Variants in TMEM178B observed in about 807,000 individuals in gnomAD.
TMEM178B encodes transmembrane protein 178B.
Under a neutral mutation model 31.0 loss-of-function variants are expected in TMEM178B, and 5 were observed. That is an observed-to-expected ratio of 0.16 (90% CI 0.08 to 0.34). The LOEUF (loss-of-function observed/expected upper bound fraction) is 0.34, where lower values mean the gene tolerates loss of function less well. Ranked by LOEUF, TMEM178B falls within the 10% of genes least tolerant of loss-of-function variation. The pLI is 1.00. For synonymous variants in TMEM178B, 164 were observed against 164.0 expected, an observed-to-expected ratio of 1.00 and a Z score of 0.00; for missense variants, 275 against 400.3, an observed-to-expected ratio of 0.69 and a Z score of 2.67.
chr7:141,500,471 G>T, the TMEM178B span, among the ~76,000 whole-genome samples: 7 of 152,076 alleles, frequency 4.6e-5, no homozygotes, highest in African/African-American at 1.7e-4. Flanking sequence ...AGGAGGGGGT[G>T]GATAATGGCT....
In TMEM178B at chr7:141,442,113, A is replaced by G. The variant is rs573894403; in HGVS notation, c.634+4368A>G. Among the ~76,000 whole-genome samples, 126 of 152,302 alleles carry G rather than the reference A, an allele frequency of 8.3e-4. 1 individual carries two copies. The highest frequency in any genetic ancestry group is 2.7e-3 in the African/African-American group (114 of 41,574). On this transcript the variant is annotated intron_variant, in intron 3 of 3. Transcript: ENST00000565468. The stretch of plus-strand genomic sequence containing the variant: ...GCAGGCAAGGGAGCACGTGACTGCT[A>G]TGAGTTCCTGTGATTCCCTTGCTGG...
intron 2 of TMEM178B, chr7:141,352,786 C>T (rs1799756380): frequency 6.5e-6 from 1 of 152,860 alleles, no homozygotes; most frequent in Non-Finnish European, 1.5e-5. Context: ...GTGTGGGTTC[C>T]CCCTGCGCTA....
At chr7:141,413,848 G>A (rs893598189) in intron 2 of TMEM178B, among the ~76,000 whole-genome samples, 4 of 152,024 alleles carry the variant, frequency 2.6e-5, no homozygotes, top group Admixed American at 2.6e-4. Context: ...ACTTATTATT[G>A]TGGGGAATTT....
At chr7:141,125,644 C>T (rs1031677480) in intron 1 of TMEM178B, among the ~76,000 whole-genome samples, 7 of 145,852 alleles carry the variant, frequency 4.8e-5, no homozygotes, top group African/African-American at 1.5e-4. Context: ...CATGCCACTG[C>T]ACTCCAGCCT....
At chr7:141,091,261 A>T (rs144553639) in intron 1 of TMEM178B, among the ~76,000 whole-genome samples, 111 of 152,076 alleles carry the variant, frequency 7.3e-4, no homozygotes, top group African/African-American at 2.3e-3. Context: ...GCTTTAATTT[A>T]AAAAAAATTG....
chr7:141,432,857 G>T (rs904543164), intron 2 of TMEM178B, among the ~76,000 whole-genome samples: 1 of 152,120 alleles, frequency 6.6e-6, no homozygotes, highest in East Asian at 1.9e-4. Context: ...GTTCAACTGG[G>T]GCTTCATTGT....
intron 1 of TMEM178B, among the ~76,000 whole-genome samples, chr7:141,134,973 T>C (rs1054841753): frequency 6.6e-6 from 1 of 152,184 alleles, no homozygotes; most frequent in Non-Finnish European, 1.5e-5. Context: ...GTTCTTGTGA[T>C]AGTGAATGAG....
chr7:141,214,020 A>C (rs1343835223), intron 2 of TMEM178B, among the ~76,000 whole-genome samples: 4 of 152,250 alleles, frequency 2.6e-5, no homozygotes, highest in African/African-American at 9.6e-5. Context: ...TGAGCTAAGC[A>C]TACCACATAT....
chr7:141,464,808 A>G (rs1049629878), intron 3 of TMEM178B, among the ~76,000 whole-genome samples: 3 of 152,010 alleles, frequency 2.0e-5, no homozygotes, highest in African/African-American at 7.2e-5. Flanking sequence ...ATTGCTTACC[A>G]CCAGCCACCA....
intron 2 of TMEM178B, among the ~76,000 whole-genome samples, chr7:141,322,012 A>G (rs760650861): frequency 6.6e-6 from 1 of 152,056 alleles, no homozygotes; most frequent in Non-Finnish European, 1.5e-5. Flanking sequence ...TGTGCTGGGA[A>G]ATGAGAAGGT....
At chr7:141,213,728 C>A (rs1563119506) in intron 2 of TMEM178B, among the ~76,000 whole-genome samples, 2 of 152,170 alleles carry the variant, frequency 1.3e-5, no homozygotes, top group Admixed American at 1.3e-4. Context: ...TTGGGATTGG[C>A]TTTAATTAAA....
chr7:141,336,154 C>G (rs965602075), intron 2 of TMEM178B, among the ~76,000 whole-genome samples: 3 of 152,036 alleles, frequency 2.0e-5, no homozygotes, highest in Admixed American at 1.3e-4. Flanking sequence ...CCTGGTCATC[C>G]TGGGCTACAC....
At chr7:141,166,929 G>A (rs764530253) in intron 1 of TMEM178B, among the ~76,000 whole-genome samples, 17 of 152,116 alleles carry the variant, frequency 1.1e-4, no homozygotes, top group Non-Finnish European at 2.1e-4. Context: ...TCTTGTCCTT[G>A]TATGGGTGAC....
intron 2 of TMEM178B, among the ~76,000 whole-genome samples, chr7:141,420,441 G>A (rs1011095558): frequency 2.6e-5 from 4 of 152,174 alleles, no homozygotes; most frequent in South Asian, 2.1e-4. Flanking sequence ...TTCCTTCTAC[G>A]GAGTTTCTTT....
rs562698380 is a variant in TMEM178B, at chr7:141,435,612, TAAG to T, written c.497-1992_497-1990del. On this transcript the variant is annotated intron_variant, in intron 2 of 3. Transcript: ENST00000565468. ...GGAGAGGACGGCACAGATGATTCAATAAGAAGGGGCAGGAGTGCACCTTCCCTT... is the reference window on the plus strand; with the variant it reads ...GGAGAGGACGGCACAGATGATTCAATAAGGGGCAGGAGTGCACCTTCCCTT... 2.3e-3 allele frequency among the ~76,000 whole-genome samples: 352 copies of T among 152,282 alleles called. 5 individuals are homozygous for T. Among genetic ancestry groups the T allele is most frequent in the Non-Finnish European group, 2.6e-3 (176 of 68,018 alleles).
In TMEM178B at chr7:141,318,046, A is replaced by ATT; in HGVS notation, c.496+105345_496+105346dup. ...TGTTTGGGGAGGGAATTATAGATTT[A>ATT]TTTTAAATGAAAACAATTATTGAAT... On this transcript the variant is annotated intron_variant, in intron 2 of 3. Transcript: ENST00000565468. This position sits in a 1 kb window ranked among gnomAD's most constrained non-coding sequence, Gnocchi z 4.1. 6.6e-6 allele frequency among the ~76,000 whole-genome samples: 1 copy of ATT among 152,186 alleles called. No individual in the cohort carries two copies. The highest frequency in any genetic ancestry group is 1.9e-4 in the East Asian group (1 of 5,198).
At chr7:141,157,733 G>A (rs1202480355) in intron 1 of TMEM178B, among the ~76,000 whole-genome samples, 1 of 152,180 alleles carries the variant, frequency 6.6e-6, no homozygotes, top group Non-Finnish European at 1.5e-5. Context: ...AGTTCCGAGC[G>A]AGGTAACAGT....
chr7:141,129,566 T>C (rs1220946920), intron 1 of TMEM178B, among the ~76,000 whole-genome samples: 1 of 152,188 alleles, frequency 6.6e-6, no homozygotes, highest in African/African-American at 2.4e-5. Context: ...ATATAAACAC[T>C]CTCTGACTTC....
At chr7:141,413,224 C>T (rs1242880535) in intron 2 of TMEM178B, among the ~76,000 whole-genome samples, 3 of 152,158 alleles carry the variant, frequency 2.0e-5, no homozygotes, top group East Asian at 1.9e-4. Flanking sequence ...AGGGTATCTG[C>T]GTTTCCTTTT....
Sources: allele counts gnomAD v4.1 joint callset (sites outside exome capture counted in the v4.1 genomes callset), GRCh38; gene constraint gnomAD v4.1.1; non-coding constraint Gnocchi (gnomAD v3.1); transcripts MANE v1.5; gene names NCBI Gene and HGNC (gene_info 2026-07-23, HGNC 2026-07-21).